NELL1: variants seen among roughly 807,000 people sequenced by gnomAD.
The protein encoded by NELL1 is neural EGFL like 1, also known as protein kinase C-binding protein NELL1.
A neutral mutation model predicts 107.4 loss-of-function variants in NELL1; 76 were observed. The ratio of observed to expected loss-of-function variants is 0.71; its 90% confidence interval spans 0.59 to 0.86. The LOEUF (loss-of-function observed/expected upper bound fraction) is 0.86, where lower values mean the gene tolerates loss of function less well. NELL1 is among the 40% of genes least tolerant of loss of function. NELL1 has a pLI of 0.00. For synonymous variants in NELL1, 353 were observed against 341.2 expected (o/e 1.03, Z -0.38); for missense variants, 1,024 against 1,005.5 (o/e 1.02, Z -0.25).
intron 3 of NELL1, among the ~76,000 whole-genome samples, chr11:20,838,092 T>C (rs187350456): frequency 4.1e-4 from 62 of 151,966 alleles, no homozygotes; most frequent in African/African-American, 1.4e-3. Flanking sequence ...AGTGATGTCA[T>C]GTAGTAGAAT....
intron 14 of NELL1, among the ~76,000 whole-genome samples, chr11:21,269,725 A>T (rs145721025): frequency 6.6e-6 from 1 of 152,272 alleles, no homozygotes; most frequent in Non-Finnish European, 1.5e-5. Flanking sequence ...AGTTCAAATC[A>T]TGGATCTACA....
At chr11:21,415,161 T>C (rs559613718) in intron 15 of NELL1, among the ~76,000 whole-genome samples, 2 of 152,226 alleles carry the variant, frequency 1.3e-5, no homozygotes, top group South Asian at 4.1e-4. Flanking sequence ...GAAACTCTTA[T>C]CTCTGAAAGC....
At chr11:20,940,863 C>T (rs1018907770) in intron 10 of NELL1, among the ~76,000 whole-genome samples, 1 of 152,106 alleles carries the variant, frequency 6.6e-6, no homozygotes. Flanking sequence ...TCCAGCCAGG[C>T]GTGGTGGCTT....
At chr11:21,394,347 A>G (rs908976078) in intron 15 of NELL1, among the ~76,000 whole-genome samples, 4 of 151,574 alleles carry the variant, frequency 2.6e-5, no homozygotes, top group African/African-American at 9.7e-5. Context: ...CTCATAGAAT[A>G]TTACCATAAA....
chr11:21,144,888 G>A (rs887179821), intron 13 of NELL1, among the ~76,000 whole-genome samples: 1 of 152,168 alleles, frequency 6.6e-6, no homozygotes, highest in African/African-American at 2.4e-5. Flanking sequence ...GTTTCATGGT[G>A]CTCTTTATCT....
At chr11:21,080,610 A>G (rs1408983764) in intron 12 of NELL1, among the ~76,000 whole-genome samples, 1 of 151,980 alleles carries the variant, frequency 6.6e-6, no homozygotes, top group Admixed American at 6.6e-5. Flanking sequence ...GGTTTTTTCC[A>G]GGTTTACTTC....
At position 21,562,638 on chromosome 11, in the gene NELL1, C is replaced by T. The variant is rs914323627; in HGVS notation, c.1980+2256C>T. On this transcript the variant is annotated intron_variant, in intron 17 of 19. Transcript: ENST00000357134. ...AATTCAATTTGATAAGAAATACCTC[C>T]AATACTTACACATCCAAATGGGTGA... Among the ~76,000 whole-genome samples the T allele has an allele frequency of 3.3e-5, 5 of 152,146 alleles. No homozygotes were observed. The South Asian group carries it at 1.0e-3, about 32-fold the overall frequency.
intron 14 of NELL1, among the ~76,000 whole-genome samples, chr11:21,243,285 G>C (rs150991805): frequency 2.6e-5 from 4 of 152,194 alleles, no homozygotes; most frequent in South Asian, 4.1e-4. Flanking sequence ...TGAATACTTT[G>C]CTTAAATAAG....
At chr11:21,535,403 T>A (rs76578363) in intron 16 of NELL1, among the ~76,000 whole-genome samples, 3,307 of 152,302 alleles carry the variant, frequency 0.022, 68 homozygotes, top group East Asian at 0.077. Flanking sequence ...TGATTTTGAA[T>A]ATTTGTTTTC....
chr11:20,873,578 C>T (rs1174732986), intron 4 of NELL1, among the ~76,000 whole-genome samples: 1 of 152,102 alleles, frequency 6.6e-6, no homozygotes. Context: ...ACGGAAAATC[C>T]TGTGTGGTAG....
intron 12 of NELL1, among the ~76,000 whole-genome samples, chr11:21,093,505 T>G (rs1239842953): frequency 6.6e-6 from 1 of 152,182 alleles, no homozygotes; most frequent in East Asian, 1.9e-4. Flanking sequence ...CCTCAGATCC[T>G]CTCCTGAGCC....
intron 2 of NELL1, among the ~76,000 whole-genome samples, chr11:20,751,050 T>A (rs1856125243): frequency 6.6e-6 from 1 of 151,472 alleles, no homozygotes; most frequent in Non-Finnish European, 1.5e-5. Flanking sequence ...TTTGTGTGTG[T>A]GTGTGTATAT....
intron 4 of NELL1, among the ~76,000 whole-genome samples, chr11:20,849,600 T>C (rs1185109904): frequency 6.6e-6 from 1 of 152,162 alleles, no homozygotes; most frequent in Non-Finnish European, 1.5e-5. Context: ...TCCTTCTGTT[T>C]TCTTAATATT....
At chr11:21,071,278 G>C (rs1854007483) in intron 12 of NELL1, among the ~76,000 whole-genome samples, 1 of 152,104 alleles carries the variant, frequency 6.6e-6, no homozygotes, top group Non-Finnish European at 1.5e-5. Flanking sequence ...GATCACCTCT[G>C]GTTTAAACAT....
intron 4 of NELL1, among the ~76,000 whole-genome samples, chr11:20,856,269 A>G (rs1163029689): frequency 6.6e-6 from 1 of 152,206 alleles, no homozygotes; most frequent in African/African-American, 2.4e-5. Flanking sequence ...AGAGTTGCAG[A>G]GCCAGCCAGC....
chr11:20,951,783 C>A (rs1346215516), intron 11 of NELL1, among the ~76,000 whole-genome samples: 1 of 152,064 alleles, frequency 6.6e-6, no homozygotes, highest in Admixed American at 6.6e-5. Context: ...ACAGCACCAC[C>A]CAGAACATCC....
At chr11:21,427,826 T>C (rs991386880) in intron 15 of NELL1, among the ~76,000 whole-genome samples, 6 of 152,288 alleles carry the variant, frequency 3.9e-5, no homozygotes, top group African/African-American at 1.4e-4. Flanking sequence ...TCTCAGCCAC[T>C]CCTAACCTAA....
At chr11:21,397,928 T>C (rs897029135) in intron 15 of NELL1, among the ~76,000 whole-genome samples, 1 of 151,544 alleles carries the variant, frequency 6.6e-6, no homozygotes, top group Non-Finnish European at 1.5e-5. Flanking sequence ...CCGAATCTGC[T>C]TGAACCTTGA....
intron 15 of NELL1, among the ~76,000 whole-genome samples, chr11:21,429,380 C>A (rs751172955): frequency 6.6e-6 from 1 of 152,118 alleles, no homozygotes; most frequent in Non-Finnish European, 1.5e-5. Flanking sequence ...GGGCTTGAAC[C>A]TGAATTTCCT....
Sources: gnomAD v4.1 joint callset for allele counts (sites outside exome capture counted in the v4.1 genomes callset) on GRCh38, gnomAD v4.1.1 for gene constraint, MANE v1.5 for transcripts, NCBI Gene and HGNC (gene_info 2026-07-23, HGNC 2026-07-21) for gene names.